Variants in ENOPH1 observed in about 807,000 individuals in gnomAD.
The protein encoded by ENOPH1 is enolase-phosphatase 1.
Under a neutral mutation model 31.1 loss-of-function variants are expected in ENOPH1, and 14 were observed. The ratio of observed to expected loss-of-function variants is 0.45; its 90% CI spans 0.30 to 0.70. ENOPH1 has a LOEUF of 0.70. Among genes scored for constraint, ENOPH1 ranks in the 30% least tolerant of loss-of-function variants. ENOPH1 has a pLI of 0.09. For synonymous variants in ENOPH1, 127 were observed against 123.2 expected (o/e 1.03, Z -0.21); for missense variants, 243 against 321.5 (o/e 0.76, Z 1.87).
intron 2 of ENOPH1, among the ~76,000 whole-genome samples, chr4:82,450,553 G>A (rs981512256): frequency 6.6e-6 from 1 of 152,274 alleles, no homozygotes; most frequent in African/African-American, 2.4e-5. Context: ...GTTCTAAGTG[G>A]CTACTAGGAT....
intron 2 of ENOPH1, among the ~76,000 whole-genome samples, chr4:82,450,226 A>C (rs1466124966): frequency 1.3e-5 from 2 of 152,222 alleles, no homozygotes; most frequent in South Asian, 2.1e-4. Context: ...AGGTTCTTGG[A>C]AACTAAGTGA....
At chr4:82,435,410 T>A (rs1022020408) in intron 1 of ENOPH1, among the ~76,000 whole-genome samples, 2 of 152,326 alleles carry the variant, frequency 1.3e-5, no homozygotes, top group Admixed American at 6.5e-5. Context: ...AGCTAATTTT[T>A]AAAATTTTTT....
chr4:82,449,569 T>C (rs6855469), intron 2 of ENOPH1, among the ~76,000 whole-genome samples: 119,931 of 152,030 alleles, frequency 0.79, 48,120 homozygotes, highest in African/African-American at 0.93. Context: ...CTCACTATTG[T>C]GAGGACAGCA....
Position 82,456,920 on chromosome 4 carries a change from T to G in ENOPH1, c.528T>G (p.Val176=). 6.2e-7 allele frequency: 1 copy of G among 1,613,904 alleles called. No individual in the cohort carries two copies. The change falls in exon 5 of 6, where the codon GTT becomes GTG. Residue 176 remains valine (V), a synonymous_variant. Transcript: ENST00000273920. ...TTCCCCTTCTCTTTGTTCAGCTTGT[T>G]GATGGTCACTTTGATACCAAGATTG... is the stretch of plus-strand genomic sequence containing the variant. ...HSTEGDILEL[V]DGHFDTKIGH...
intron 1 of ENOPH1, among the ~76,000 whole-genome samples, chr4:82,435,517 C>T (rs751819318): frequency 2.0e-5 from 3 of 152,190 alleles, no homozygotes; most frequent in Non-Finnish European, 4.4e-5. Flanking sequence ...TTTATGTCCT[C>T]TTATAATGTA....
intron 2 of ENOPH1, among the ~76,000 whole-genome samples, chr4:82,448,496 A>C (rs1033522978): frequency 3.3e-5 from 5 of 151,558 alleles, no homozygotes; most frequent in Non-Finnish European, 7.4e-5. Flanking sequence ...TCCTGATTTC[A>C]AGTGATCTAC....
At chr4:82,431,042 G>A (rs1280664621) in intron 1 of ENOPH1, 129 bp downstream of exon 1, 1 of 784,548 alleles carries the variant, frequency 1.3e-6, no homozygotes, top group South Asian at 1.6e-5. Flanking sequence ...TGTGTGGAAT[G>A]GGGAGGAAGG....
intron 1 of ENOPH1, among the ~76,000 whole-genome samples, chr4:82,446,689 C>CTTTTTTTT (rs1175624219): frequency 1.5e-5 from 1 of 67,510 alleles, no homozygotes; most frequent in African/African-American, 4.7e-5. Flanking sequence ...GTGACGGAAT[C>CTTTTTTTT]TTTTTTTTTT....
chr4:82,448,072 C>T (rs1419828519), intron 2 of ENOPH1, 51 bp downstream of exon 2: 34 of 1,316,858 alleles, frequency 2.6e-5, no homozygotes, highest in Non-Finnish European at 3.5e-5. Context: ...ATGAGGGTAC[C>T]TGGAGATTTA....
intron 1 of ENOPH1, among the ~76,000 whole-genome samples, chr4:82,447,362 G>GT (rs879793852): frequency 1.1e-4 from 17 of 150,650 alleles, no homozygotes; most frequent in Admixed American, 4.0e-4. Flanking sequence ...AGTTTGTTTT[G>GT]TTTTTTTTTA....
At chr4:82,452,453 T>C (rs141756815) in intron 3 of ENOPH1, among the ~76,000 whole-genome samples, 335 of 152,008 alleles carry the variant, frequency 2.2e-3, no homozygotes, top group African/African-American at 7.5e-3. Flanking sequence ...CCTGCCACTA[T>C]GCTAATTTTT....
rs1018499786 is a variant in ENOPH1, at chr4:82,454,827, G to T, written c.495G>T (p.Gly165=). 3.8e-5 allele frequency: 61 copies of T among 1,613,084 alleles called. No homozygotes were observed. The highest frequency in any genetic ancestry group is 4.8e-5 in the Non-Finnish European group (57 of 1,179,818). The change falls in exon 4 of 6, where the codon GGG becomes GGT. Residue 165 remains glycine, a synonymous_variant. Transcript: ENST00000273920. ...GSVEAQKLLF[G]HSTEGDILEL... is the part of the protein sequence containing the mutation. ...TGGAGGCACAGAAACTGTTATTCGG[G>T]CATTCTACGGAGGGAGATATTCTTG... is the stretch of plus-strand genomic sequence containing the variant.
chr4:82,450,990 G>C, intron 2 of ENOPH1, 53 bp from the exon 3 acceptor site: 1 of 1,520,528 alleles, frequency 6.6e-7, no homozygotes, highest in African/African-American at 1.4e-5. Flanking sequence ...CGTTTTAAAT[G>C]ACTGTTTTTT....
chr4:82,443,229 G>A (rs1722086982), intron 1 of ENOPH1, among the ~76,000 whole-genome samples: 3 of 151,970 alleles, frequency 2.0e-5, no homozygotes, highest in South Asian at 2.1e-4. Flanking sequence ...CTGAGTCCAC[G>A]AGCTTGAGAC....
rs751929691 is a variant in ENOPH1, at chr4:82,447,916, C to G, written c.85-4C>G. On this transcript the variant is annotated splice_region_variant and splice_polypyrimidine_tract_variant and intron_variant, in intron 1 of 5. Coordinates refer to ENST00000273920, the MANE Select transcript of ENOPH1 (RefSeq NM_021204.5). ...CTTGTATTTTCTTTTACTCTTTTAT[C>G]CAGGACATTTTATTTCCTTACATCG... 10 of 1,584,042 alleles carry G rather than the reference C, an allele frequency of 6.3e-6. No individual in the cohort carries two copies. In the Middle Eastern group the frequency reaches 1.3e-3, roughly 212 times the overall value.
chr4:82,430,759 C>G lies in ENOPH1; in HGVS notation c.-71C>G, dbSNP rs1306068570. ...GGAAGCCCAAGACGGTACCGGGGGC[C>G]GCAGCCGCAGCCGGCGCCGCCCTCC... On this transcript the variant is annotated 5_prime_UTR_variant, in exon 1 of 6. Transcript: ENST00000273920. The G allele has an allele frequency of 3.4e-6, 5 of 1,465,688 alleles. No homozygotes were observed. Among genetic ancestry groups the G allele is most frequent in the African/African-American group, 1.4e-5 (1 of 71,834 alleles). 90.8% of individuals were successfully genotyped at this position (1,465,688 alleles called of 1,614,324 possible).
Position 82,437,400 on chromosome 4 carries a change from T to G in ENOPH1, c.84+6487T>G, listed in dbSNP as rs192174558. Among the ~76,000 whole-genome samples the G allele has an allele frequency of 2.0e-4, 30 of 152,254 alleles. No individual in the cohort carries two copies. In the East Asian group the frequency reaches 2.9e-3, roughly 15 times the overall value. On this transcript the variant is annotated intron_variant, in intron 1 of 5. Transcript: ENST00000273920. ...TGAGATGAGAGTTCAACAAATTGGG[T>G]TTTCCAACTTTCTATCCCTCTCTTT...
At chr4:82,455,385 A>G (rs1159153462) in intron 4 of ENOPH1, among the ~76,000 whole-genome samples, 1 of 152,228 alleles carries the variant, frequency 6.6e-6, no homozygotes, top group Non-Finnish European at 1.5e-5. Context: ...AGTGCTGATT[A>G]GCTGAATATA....
At chr4:82,456,320 C>T (rs1722490801) in intron 4 of ENOPH1, among the ~76,000 whole-genome samples, 1 of 150,266 alleles carries the variant, frequency 6.7e-6, no homozygotes, top group South Asian at 2.1e-4. Context: ...AAGATCACAT[C>T]TTAGTAACTG....
Sources: gnomAD v4.1 joint callset for allele counts (sites outside exome capture counted in the v4.1 genomes callset) on GRCh38, gnomAD v4.1.1 for gene constraint, MANE v1.5 for transcripts, NCBI Gene and HGNC (gene_info 2026-07-23, HGNC 2026-07-21) for gene names.